Variants in DCBLD2 observed in about 807,000 individuals in gnomAD.
DCBLD2 encodes the protein discoidin, CUB and LCCL domain containing 2.
A neutral mutation model predicts 86.8 loss-of-function variants in DCBLD2; 54 were observed. The observed-to-expected ratio is 0.62, with a 90% CI of 0.50 to 0.78. DCBLD2 has a LOEUF of 0.78. DCBLD2 is among the 30% of genes least tolerant of loss of function. The pLI, the probability that DCBLD2 is intolerant of heterozygous loss-of-function variation, is 0.00. For synonymous variants in DCBLD2, 354 were observed against 341.3 expected (o/e 1.04, Z -0.41); for missense variants, 908 against 954.2 (o/e 0.95, Z 0.64).
chr3:98,860,518 C>A (rs533534316), intron 2 of DCBLD2, among the ~76,000 whole-genome samples: 7 of 152,180 alleles, frequency 4.6e-5, no homozygotes, highest in Non-Finnish European at 1.0e-4. Flanking sequence ...AGACTAACAG[C>A]AGATCTTTCA....
At chr3:98,822,578 G>T (rs828617) in intron 5 of DCBLD2, 91 bp downstream of exon 5, 512,250 of 1,299,694 alleles carry the variant, frequency 0.39, 106,552 homozygotes, top group East Asian at 0.72. Context: ...CAAAAGATAA[G>T]GATATATGAT....
chr3:98,853,977 C>T (rs999178738), intron 2 of DCBLD2, among the ~76,000 whole-genome samples: 18 of 140,800 alleles, frequency 1.3e-4, no homozygotes, highest in African/African-American at 3.7e-4. Context: ...AACTTATTTA[C>T]GAACAGGTTT....
At chr3:98,899,890 C>T (rs1211694386) in intron 1 of DCBLD2, among the ~76,000 whole-genome samples, 2 of 152,056 alleles carry the variant, frequency 1.3e-5, no homozygotes, top group African/African-American at 2.4e-5. Context: ...AGCCTGTTTT[C>T]CCCCCTACCA....
At chr3:98,861,636 T>C (rs2107498639) in intron 2 of DCBLD2, among the ~76,000 whole-genome samples, 1 of 152,114 alleles carries the variant, frequency 6.6e-6, no homozygotes, top group South Asian at 2.1e-4. Context: ...ACTGGGTACA[T>C]AACGAAATGA....
chr3:98,840,495 G>C (rs2439227), intron 3 of DCBLD2, among the ~76,000 whole-genome samples: 149,736 of 152,298 alleles, frequency 0.98, 73,665 homozygotes, highest in Middle Eastern at 1. Flanking sequence ...TTCAAAGTAC[G>C]GGGCAGTATA....
chr3:98,844,588 A>G (rs1458555664), intron 3 of DCBLD2, among the ~76,000 whole-genome samples: 2 of 151,994 alleles, frequency 1.3e-5, no homozygotes, highest in African/African-American at 4.8e-5. Context: ...GTCTCGAACT[A>G]CTGACCTCAG....
chr3:98,810,972 G>A (rs1390638405), intron 12 of DCBLD2, among the ~76,000 whole-genome samples: 2 of 152,030 alleles, frequency 1.3e-5, no homozygotes, highest in Non-Finnish European at 2.9e-5. Context: ...GCAACACAGT[G>A]GCCTTCTCTA....
At chr3:98,900,826 C>G (rs1943833887) in intron 1 of DCBLD2, 4 of 454,834 alleles carry the variant, frequency 8.8e-6, no homozygotes, top group Non-Finnish European at 1.6e-5. Context: ...GTTCTTTTTC[C>G]TCCCCAAAAT....
intron 2 of DCBLD2, among the ~76,000 whole-genome samples, chr3:98,865,685 A>G (rs1360686436): frequency 6.6e-6 from 1 of 152,014 alleles, no homozygotes; most frequent in Admixed American, 6.6e-5. Flanking sequence ...AACATAATGT[A>G]CAGCATATAT....
At chr3:98,881,466 A>T in intron 2 of DCBLD2, 74 bp downstream of exon 2, 1 of 1,339,402 alleles carries the variant, frequency 7.5e-7, no homozygotes, top group Non-Finnish European at 1.1e-6. Context: ...ATGGTTATTT[A>T]ATGTTAATAT....
intron 13 of DCBLD2, among the ~76,000 whole-genome samples, chr3:98,802,485 T>G (rs1034938137): frequency 6.6e-6 from 1 of 152,208 alleles, no homozygotes; most frequent in African/African-American, 2.4e-5. Flanking sequence ...TTGCAAAAAT[T>G]TTCTCCCATT....
intron 8 of DCBLD2, among the ~76,000 whole-genome samples, chr3:98,818,147 G>A (rs539883589): frequency 2.0e-5 from 3 of 152,256 alleles, no homozygotes; most frequent in Admixed American, 2.0e-4. Context: ...TGTTTATAAC[G>A]TCGTAAAATA....
In DCBLD2 at chr3:98,862,100, C is replaced by T. The variant is rs147741091; in HGVS notation, c.434-12502G>A. On this transcript the variant is annotated intron_variant, in intron 2 of 15. Coordinates refer to ENST00000326840, the MANE Select transcript of DCBLD2 (RefSeq NM_080927.4). ...TCAGAGAATACTACAAACACCTCTACGCAAATAAACAAGAAAATCTAGAAG... is the reference window on the plus strand; with the variant it reads ...TCAGAGAATACTACAAACACCTCTATGCAAATAAACAAGAAAATCTAGAAG... Among the ~76,000 whole-genome samples the T allele has an allele frequency of 2.5e-3, 382 of 152,094 alleles. 4 individuals carry two copies. The highest frequency in any genetic ancestry group is 8.8e-3 in the African/African-American group (366 of 41,492).
At chr3:98,877,818 G>A (rs2470856) in intron 2 of DCBLD2, among the ~76,000 whole-genome samples, 147,885 of 152,192 alleles carry the variant, frequency 0.97, 72,008 homozygotes, top group East Asian at 1. Context: ...AATATAAAGA[G>A]GTACTCAAAT....
chr3:98,845,727 C>G (rs1241993020), intron 3 of DCBLD2, among the ~76,000 whole-genome samples: 1 of 152,144 alleles, frequency 6.6e-6, no homozygotes, highest in Admixed American at 6.5e-5. Context: ...ATAATGAAGC[C>G]TACTCTCCCC....
intron 3 of DCBLD2, among the ~76,000 whole-genome samples, chr3:98,843,931 G>A (rs1040637194): frequency 2.6e-5 from 4 of 151,746 alleles, no homozygotes; most frequent in Admixed American, 6.6e-5. Context: ...ACAAAATTTC[G>A]AGTTGGTGAA....
chr3:98,858,175 C>T (rs1013166668), intron 2 of DCBLD2, among the ~76,000 whole-genome samples: 1 of 152,264 alleles, frequency 6.6e-6, no homozygotes, highest in Non-Finnish European at 1.5e-5. Context: ...AGGTGCTAAG[C>T]ACCTCACTGC....
intron 1 of DCBLD2, among the ~76,000 whole-genome samples, chr3:98,899,884 T>C (rs543933047): frequency 3.3e-5 from 5 of 152,292 alleles, no homozygotes; most frequent in Non-Finnish European, 7.4e-5. Context: ...TATATAAGCC[T>C]GTTTTCCCCC....
At chr3:98,831,819 G>A (rs1170621225) in intron 3 of DCBLD2, among the ~76,000 whole-genome samples, 1 of 152,002 alleles carries the variant, frequency 6.6e-6, no homozygotes, top group Admixed American at 6.6e-5. Context: ...TGTCTGGTAT[G>A]GTTTTGGTTC....
Sources: allele counts gnomAD v4.1 joint callset (sites outside exome capture counted in the v4.1 genomes callset), GRCh38; gene constraint gnomAD v4.1.1; transcripts MANE v1.5; gene names NCBI Gene and HGNC (gene_info 2026-07-23, HGNC 2026-07-21).